The following MCUB variants were observed in gnomAD, a reference collection of about 807,000 sequenced individuals.
MCUB encodes the protein calcium uniporter regulatory subunit MCUb, mitochondrial.
MCUB carries 46 observed loss-of-function variants against 41.4 expected under a neutral mutation model. The observed-to-expected ratio is 1.11, with a 90% CI of 0.88 to 1.42. MCUB has a LOEUF of 1.42. Among genes scored for constraint, MCUB ranks in the 40% most tolerant of loss-of-function variants. MCUB has a pLI of 0.00. For synonymous variants in MCUB, 148 were observed against 148.2 expected (o/e 1.00, Z 0.01); for missense variants, 403 against 404.9 (o/e 1.00, Z 0.04).
chr4:109,648,744 A>G (rs1728894799), intron 1 of MCUB: 2 of 345,018 alleles, frequency 5.8e-6, no homozygotes, highest in African/African-American at 4.6e-5. Context: ...AAAAAAAATC[A>G]TTAAAGCTTG....
At chr4:109,624,173 C>G (rs750489538) in intron 1 of MCUB, among the ~76,000 whole-genome samples, 1 of 152,192 alleles carries the variant, frequency 6.6e-6, no homozygotes, top group East Asian at 1.9e-4. Context: ...TTCTTCTGAT[C>G]TTAGACAGTG....
chr4:109,631,160 A>G (rs1200214695), intron 1 of MCUB, among the ~76,000 whole-genome samples: 2 of 152,268 alleles, frequency 1.3e-5, no homozygotes, highest in African/African-American at 4.8e-5. Flanking sequence ...GCAAGTTATT[A>G]TATAAATAAT....
intron 1 of MCUB, among the ~76,000 whole-genome samples, chr4:109,615,182 A>G (rs1038830045): frequency 1.3e-5 from 2 of 152,154 alleles, no homozygotes; most frequent in African/African-American, 4.8e-5. Flanking sequence ...TATCTGGCAC[A>G]GTTGAGAGCT....
At chr4:109,674,114 C>G in intron 4 of MCUB, 1 of 1,434,892 alleles carries the variant, frequency 7.0e-7, no homozygotes, top group Non-Finnish European at 9.8e-7. Flanking sequence ...TGGGCAAAAC[C>G]TAAGCCTTAG....
chr4:109,565,480 T>C (rs1726750238), intron 1 of MCUB, among the ~76,000 whole-genome samples: 1 of 152,192 alleles, frequency 6.6e-6, no homozygotes. Context: ...ATGTGGAAAA[T>C]TCAGTGAAAA....
intron 1 of MCUB, among the ~76,000 whole-genome samples, chr4:109,618,309 A>T (rs748403345): frequency 2.6e-4 from 39 of 152,220 alleles, no homozygotes; most frequent in Non-Finnish European, 5.1e-4. Flanking sequence ...CTTGTCTTTC[A>T]GATGGACAAT....
chr4:109,629,271 T>C (rs1335037302), intron 1 of MCUB, among the ~76,000 whole-genome samples: 1 of 152,034 alleles, frequency 6.6e-6, no homozygotes, highest in African/African-American at 2.4e-5. Flanking sequence ...AGAGCTTAAG[T>C]TAGAGCTTTT....
chr4:109,578,802 A>G (rs13118855), intron 1 of MCUB, among the ~76,000 whole-genome samples: 13,772 of 152,078 alleles, frequency 0.091, 673 homozygotes, highest in Middle Eastern at 0.14. Context: ...ACATTGCCCT[A>G]TTTTTCTCCT....
chr4:109,688,698 A>G lies in MCUB; in HGVS notation c.*1106A>G, dbSNP rs1729918106. The G allele has an allele frequency of 6.6e-6, 1 of 152,220 alleles. No individual in the cohort carries two copies. The highest frequency in any genetic ancestry group is 2.4e-5 in the African/African-American group (1 of 41,452). The allele number at this position is 152,220 out of a possible 1,614,324, so 9.4% of individuals were successfully genotyped here. A position where few individuals can be genotyped will look rare whatever the true frequency, so the allele number is the denominator to read the frequency against. On this transcript the variant is annotated 3_prime_UTR_variant, in exon 8 of 8. Transcript: ENST00000394650. ...CAAAAACCTTTAAAAACATCAAACA[A>G]TAAACTTTTATAAAAAAGTGACAAA...
At chr4:109,584,472 A>G (rs954037708) in intron 1 of MCUB, among the ~76,000 whole-genome samples, 10 of 151,794 alleles carry the variant, frequency 6.6e-5, no homozygotes, top group Admixed American at 5.3e-4. Context: ...CTCTGATCTT[A>G]GTTATTTCTT....
intron 4 of MCUB, among the ~76,000 whole-genome samples, chr4:109,680,280 C>T (rs1220093239): frequency 6.6e-6 from 1 of 152,140 alleles, no homozygotes; most frequent in Non-Finnish European, 1.5e-5. Flanking sequence ...GGATAGGTAC[C>T]AGTTAACAAA....
intron 1 of MCUB, among the ~76,000 whole-genome samples, chr4:109,616,116 T>C (rs905888413): frequency 8.5e-5 from 13 of 152,242 alleles, no homozygotes; most frequent in African/African-American, 3.1e-4. Flanking sequence ...TGCCTCGCAG[T>C]TAGTTCTCAT....
Position 109,655,911 on chromosome 4 carries a change from G to T in MCUB, c.100-3100G>T, listed in dbSNP as rs374896359. The stretch of plus-strand genomic sequence containing the variant: ...TAGATTAAAAATCTCTGTGTATGGG[G>T]TCTGGGAATCTGTGTTTTTAAGGCT... On this transcript the variant is annotated intron_variant, in intron 1 of 7. Coordinates refer to ENST00000394650, the MANE Select transcript of MCUB (RefSeq NM_017918.5). Among the ~76,000 whole-genome samples the T allele has an allele frequency of 2.6e-5, 4 of 152,088 alleles. No individual in the cohort carries two copies. The East Asian group carries it at 5.8e-4, about 22-fold the overall frequency.
intron 4 of MCUB, among the ~76,000 whole-genome samples, chr4:109,675,686 G>A (rs12511472): frequency 3.8e-4 from 58 of 152,356 alleles, no homozygotes; most frequent in Admixed American, 2.8e-3. Flanking sequence ...GATGTGAGGC[G>A]TATTGGGAGG....
intron 4 of MCUB, among the ~76,000 whole-genome samples, chr4:109,678,743 ACGGGGCGGC>A (rs1163800562): frequency 7.6e-6 from 1 of 130,892 alleles, no homozygotes; most frequent in Non-Finnish European, 1.6e-5. Context: ...CACATCCCAG[ACGGGGCGGC>A]CGGGCAGAGG....
intron 1 of MCUB, among the ~76,000 whole-genome samples, chr4:109,582,244 G>A: frequency 6.6e-6 from 1 of 151,720 alleles, no homozygotes; most frequent in African/African-American, 2.4e-5. Context: ...GGATGAAGCT[G>A]GAAACCATCA....
At chr4:109,685,009 T>C (rs1729805344) in intron 6 of MCUB, 1 of 403,792 alleles carries the variant, frequency 2.5e-6, no homozygotes, top group African/African-American at 2.1e-5. Flanking sequence ...ATTTCTTCCT[T>C]CTTCTTTCCC....
chr4:109,615,938 G>A (rs955631773), intron 1 of MCUB, among the ~76,000 whole-genome samples: 2 of 152,162 alleles, frequency 1.3e-5, no homozygotes, highest in African/African-American at 2.4e-5. Flanking sequence ...ATCAGTGAGT[G>A]ACAGGTGTCA....
chr4:109,619,400 G>C (rs1294577756), intron 1 of MCUB, among the ~76,000 whole-genome samples: 1 of 152,064 alleles, frequency 6.6e-6, no homozygotes, highest in African/African-American at 2.4e-5. Flanking sequence ...TTTCTATGAT[G>C]TGTTGCTCTT....
Sources: gnomAD v4.1 joint callset for allele counts (sites outside exome capture counted in the v4.1 genomes callset) on GRCh38, gnomAD v4.1.1 for gene constraint, MANE v1.5 for transcripts, NCBI Gene and HGNC (gene_info 2026-07-23, HGNC 2026-07-21) for gene names.